MYH15: variants seen among roughly 807,000 people sequenced by gnomAD.
MYH15 encodes the protein myosin heavy chain 15.
In MYH15, 227 loss-of-function variants were observed where a neutral mutation model predicts 240.5. The observed-to-expected ratio is 0.94, with a 90% CI of 0.85 to 1.05. MYH15 has a LOEUF of 1.05. MYH15 is among the 50% of genes least tolerant of loss of function. MYH15 has a pLI of 0.00. For missense variants in MYH15, 2,217 were observed against 2,247.5 expected, an observed-to-expected ratio of 0.99 and a Z score of 0.27; for synonymous variants, 785 against 796.7, an observed-to-expected ratio of 0.99 and a Z score of 0.25.
intron 6 of MYH15, among the ~76,000 whole-genome samples, chr3:108,497,644 T>C (rs539564286): frequency 6.6e-6 from 1 of 152,118 alleles, no homozygotes; most frequent in African/African-American, 2.4e-5. Context: ...GAGTTAGGTA[T>C]GAATGAAGAA....
At chr3:108,412,226 T>G (rs1310337292) in intron 30 of MYH15, among the ~76,000 whole-genome samples, 1 of 152,082 alleles carries the variant, frequency 6.6e-6, no homozygotes, top group Non-Finnish European at 1.5e-5. Flanking sequence ...TAGTGGGAGG[T>G]AATTTAATCA....
intron 1 of MYH15, among the ~76,000 whole-genome samples, chr3:108,516,725 T>C (rs2083575484): frequency 6.6e-6 from 1 of 152,188 alleles, no homozygotes; most frequent in South Asian, 2.1e-4. Context: ...AATTTATTTA[T>C]TTATACGCAG....
chr3:108,444,590 G>A (rs895437719), intron 22 of MYH15, 50 bp downstream of exon 22: 1 of 1,593,752 alleles, frequency 6.3e-7, no homozygotes, highest in African/African-American at 1.3e-5. Context: ...GCTTAACAAG[G>A]GAGTCTAATT....
intron 22 of MYH15, among the ~76,000 whole-genome samples, chr3:108,441,736 T>C (rs866226871): frequency 6.6e-6 from 1 of 152,232 alleles, no homozygotes; most frequent in South Asian, 2.1e-4. Flanking sequence ...TCTCTTCTAA[T>C]AAATTGAGCT....
intron 40 of MYH15, among the ~76,000 whole-genome samples, chr3:108,381,895 G>T (rs1213659601): frequency 6.6e-6 from 1 of 152,160 alleles, no homozygotes; most frequent in Non-Finnish European, 1.5e-5. Context: ...AATTCTATCA[G>T]CAAACCTCTT....
rs58918326 is a variant in MYH15 at position 108,517,975 on chromosome 3, G to A, written c.-57-7388C>T. Among the ~76,000 whole-genome samples the A allele has an allele frequency of 3.9e-3, 595 of 152,256 alleles. 6 individuals carry two copies. Among genetic ancestry groups the A allele is most frequent in the African/African-American group, 0.014 (578 of 41,546 alleles). On this transcript the variant is annotated intron_variant, in intron 1 of 41. Transcript: ENST00000273353. ...GCCATACAGGTCAAGGAGGCATAACGCTCTCATCTACATTTGTATTTTTAA... is the reference window on the plus strand; with the variant it reads ...GCCATACAGGTCAAGGAGGCATAACACTCTCATCTACATTTGTATTTTTAA...
chr3:108,437,699 G>A lies in MYH15; in HGVS notation c.3076C>T (p.Leu1026Phe), dbSNP rs1462153058. The A allele has an allele frequency of 3.1e-6, 5 of 1,610,146 alleles. No individual in the cohort carries two copies. The highest frequency in any genetic ancestry group is 4.2e-6 in the Non-Finnish European group (5 of 1,178,950). The change falls in exon 25 of 41, where the codon CTT becomes TTT. Residue 1026 changes from leucine (L) to phenylalanine (F), a missense_variant and splice_region_variant. Leu to Phe is a conservative substitution (Grantham distance 22). Coordinates refer to ENST00000693548, the MANE Select transcript of MYH15 (RefSeq NM_014981.3). The part of the protein sequence containing the change: ...NLKLEQQVDE[L>F]EGALEQERKA... ...CTCTCCTGCTCAAGGGCACCCTCAA[G>A]CTGACAAAAGGAAACATTATTTAGC...
the MYH15 span, among the ~76,000 whole-genome samples, chr3:108,534,474 AATTTT>A: frequency 1.3e-5 from 2 of 152,212 alleles, no homozygotes; most frequent in South Asian, 4.1e-4. Flanking sequence ...AAACTGGTTT[AATTTT>A]GTCTCAACTT....
chr3:108,388,261 A>C (rs1404105313), intron 38 of MYH15, among the ~76,000 whole-genome samples: 2 of 152,220 alleles, frequency 1.3e-5, no homozygotes, highest in Non-Finnish European at 2.9e-5. Flanking sequence ...GGGGAGAAAA[A>C]TACAGTGCCT....
intron 17 of MYH15, 63 bp from the exon 18 acceptor site, chr3:108,459,512 C>T (rs2107580305): frequency 1.1e-6 from 1 of 921,750 alleles, no homozygotes; most frequent in South Asian, 1.5e-5. Context: ...ACCAATCCAC[C>T]TCACAAATGT....
At chr3:108,537,435 G>C in the MYH15 span, among the ~76,000 whole-genome samples, 1 of 152,174 alleles carries the variant, frequency 6.6e-6, no homozygotes, top group African/African-American at 2.4e-5. Context: ...ATAGTATTAA[G>C]AGGGAGGGCC....
At chr3:108,395,709 A>T (rs2082455381) in intron 35 of MYH15, among the ~76,000 whole-genome samples, 1 of 150,970 alleles carries the variant, frequency 6.6e-6, no homozygotes, top group Admixed American at 6.6e-5. Context: ...TCACAGCTCA[A>T]GTTTGAAAAA....
At chr3:108,541,625 A>G in the MYH15 span, among the ~76,000 whole-genome samples, 12 of 152,160 alleles carry the variant, frequency 7.9e-5, no homozygotes, top group Non-Finnish European at 1.6e-4. Flanking sequence ...TGGAATGAGG[A>G]TGTGGGGAAA....
intron 25 of MYH15, among the ~76,000 whole-genome samples, chr3:108,431,184 T>C (rs1576229164): frequency 1.3e-5 from 2 of 152,254 alleles, no homozygotes; most frequent in African/African-American, 4.8e-5. Flanking sequence ...TTTTGTTTAA[T>C]TATGTTTTAA....
chr3:108,485,327 G>A (rs755467616), intron 10 of MYH15, 98 bp from the exon 11 acceptor site: 7 of 1,366,992 alleles, frequency 5.1e-6, no homozygotes, highest in Non-Finnish European at 7.1e-6. Flanking sequence ...GTGGGCTGAG[G>A]GGAATGAGAC....
At chr3:108,425,109 AG>A (rs1195027467) in intron 27 of MYH15, among the ~76,000 whole-genome samples, 3 of 152,250 alleles carry the variant, frequency 2.0e-5, no homozygotes, top group African/African-American at 7.2e-5. Flanking sequence ...ACTCAAAAAC[AG>A]GTAAGTCTTT....
At chr3:108,458,193 T>G (rs1375266267) in intron 18 of MYH15, among the ~76,000 whole-genome samples, 1 of 152,218 alleles carries the variant, frequency 6.6e-6, no homozygotes, top group Non-Finnish European at 1.5e-5. Context: ...GTCTTATGAC[T>G]TTAAGAAAAA....
chr3:108,410,834 A>T lies in MYH15; in HGVS notation c.4244T>A (p.Leu1415Gln), dbSNP rs2082586838. 7 of 1,613,988 alleles carry T rather than the reference A, an allele frequency of 4.3e-6. No homozygotes were observed. Among genetic ancestry groups the T allele is most frequent in the Non-Finnish European group, 5.9e-6 (7 of 1,179,848 alleles). ...SLERARHQLQ[L>Q]ELGDALSDLG... ...GTCAGACAGGGCGTCCCCGAGCTCC[A>T]GCTGCAGCTGGTGCCTGGCTCTCTC... is the stretch of plus-strand genomic sequence containing the variant. The change falls in exon 31 of 41, where the codon CTG becomes CAG. Residue 1415 changes from leucine to glutamine, a missense_variant. Physicochemically the swap from Leu to Gln is moderately radical, Grantham distance 113 (BLOSUM62 -2). Coordinates refer to ENST00000693548, the MANE Select transcript of MYH15 (RefSeq NM_014981.3).
intron 35 of MYH15, among the ~76,000 whole-genome samples, chr3:108,395,103 C>A (rs1490639385): frequency 6.6e-6 from 1 of 151,908 alleles, no homozygotes; most frequent in African/African-American, 2.4e-5. Flanking sequence ...CCGTCTCTAC[C>A]AAAACTTTTA....
Sources: gnomAD v4.1 joint callset for allele counts (sites outside exome capture counted in the v4.1 genomes callset) on GRCh38, gnomAD v4.1.1 for gene constraint, MANE v1.5 for transcripts, NCBI Gene and HGNC (gene_info 2026-07-23, HGNC 2026-07-21) for gene names.